Variants in ERG observed in about 807,000 individuals in gnomAD.
The protein encoded by ERG is ETS transcription factor ERG.
In ERG, 9 loss-of-function variants were observed where a neutral mutation model predicts 55.3. That is an observed-to-expected ratio of 0.16 (90% CI 0.10 to 0.28). The LOEUF (loss-of-function observed/expected upper bound fraction) is 0.28. Ranked by LOEUF, ERG falls within the 10% of genes least tolerant of loss-of-function variation. ERG has a pLI of 1.00. For synonymous variants in ERG, 223 were observed against 237.3 expected (o/e 0.94, Z 0.55); for missense variants, 434 against 631.6 (o/e 0.69, Z 3.35).
chr21:38,460,919 T>A lies in ERG; in HGVS notation c.19-15298A>T, dbSNP rs1168838688. On this transcript the variant is annotated intron_variant, in intron 1 of 9. Transcript: ENST00000288319. The surrounding 1 kb of genome is among the most constrained non-coding windows in gnomAD (Gnocchi z 5.0). ...AACTGTTCACTGCTGTGCTTGCCTATGGAGAACCTGGATTCCCAGAGCTCT... is the reference window on the plus strand; with the variant it reads ...AACTGTTCACTGCTGTGCTTGCCTAAGGAGAACCTGGATTCCCAGAGCTCT... Among the ~76,000 whole-genome samples the A allele has an allele frequency of 1.3e-5, 2 of 152,252 alleles. No homozygotes were observed. The highest frequency in any genetic ancestry group is 4.8e-5 in the African/African-American group (2 of 41,468).
intron 1 of ERG, among the ~76,000 whole-genome samples, chr21:38,644,392 C>T (rs1373577738): frequency 6.6e-6 from 1 of 152,192 alleles, no homozygotes; most frequent in African/African-American, 2.4e-5. Context: ...CAGTGATGGA[C>T]ACTTTTCCTG....
At chr21:38,557,811 G>T (rs1363896013) in intron 2 of ERG, among the ~76,000 whole-genome samples, 1 of 152,102 alleles carries the variant, frequency 6.6e-6, no homozygotes, top group Non-Finnish European at 1.5e-5. Context: ...GTTCTATGAA[G>T]ATGGGCACCC....
intron 1 of ERG, among the ~76,000 whole-genome samples, chr21:38,611,019 C>G (rs1302649036): frequency 1.3e-5 from 2 of 152,224 alleles, no homozygotes; most frequent in African/African-American, 4.8e-5. Context: ...CACAAACCAG[C>G]AGGACTGGCA....
chr21:38,562,562 A>C (rs2059899145), intron 2 of ERG, among the ~76,000 whole-genome samples: 1 of 152,222 alleles, frequency 6.6e-6, no homozygotes, highest in South Asian at 2.1e-4. Context: ...TTAAAGTTTG[A>C]GAAGCCGTCC....
intron 1 of ERG, among the ~76,000 whole-genome samples, chr21:38,626,478 C>T (rs1458495882): frequency 2.6e-5 from 4 of 152,078 alleles, no homozygotes; most frequent in Admixed American, 6.5e-5. Context: ...AATAAGGTGC[C>T]GACCACTTCA....
chr21:38,492,415 C>T (rs991934817), intron 1 of ERG, among the ~76,000 whole-genome samples: 13 of 152,174 alleles, frequency 8.5e-5, no homozygotes, highest in African/African-American at 2.9e-4. Flanking sequence ...AGAAATGTCT[C>T]TAAAAACATA....
chr21:38,525,818 T>C (rs909305012), intron 2 of ERG, among the ~76,000 whole-genome samples: 2 of 152,146 alleles, frequency 1.3e-5, no homozygotes, highest in African/African-American at 4.8e-5. Flanking sequence ...CAACCACACC[T>C]TCGGTGGAGA....
intron 2 of ERG, among the ~76,000 whole-genome samples, chr21:38,525,987 T>C (rs1025568346): frequency 2.0e-5 from 3 of 152,200 alleles, no homozygotes; most frequent in African/African-American, 7.2e-5. Flanking sequence ...TTTCTGACTA[T>C]TGTTGGGGAA....
intron 1 of ERG, among the ~76,000 whole-genome samples, chr21:38,595,315 T>C (rs2060124583): frequency 6.6e-6 from 1 of 151,918 alleles, no homozygotes; most frequent in South Asian, 2.1e-4. Flanking sequence ...CCCAAGGTAA[T>C]GAAGGTGGGG....
intron 1 of ERG, among the ~76,000 whole-genome samples, chr21:38,603,121 A>C (rs1007702326): frequency 2.0e-5 from 3 of 151,940 alleles, no homozygotes; most frequent in Non-Finnish European, 2.9e-5. Context: ...CCAAATTGCT[A>C]AACTTGTAGC....
rs574202240 is a variant in ERG, at chr21:38,516,194, C to T, written c.-41+59468G>A. ...AACTGGAAAAGAAGTCAAATTGTCCCTCTTTGGAGATGACATGATCTTACA... is the reference window on the plus strand; with the variant it reads ...AACTGGAAAAGAAGTCAAATTGTCCTTCTTTGGAGATGACATGATCTTACA... On this transcript the variant is annotated intron_variant, in intron 2 of 8. Transcript: ENST00000398897. Among the ~76,000 whole-genome samples the T allele has an allele frequency of 4.6e-5, 7 of 151,960 alleles. No homozygotes were observed. The South Asian group carries it at 1.5e-3, about 32-fold the overall frequency.
chr21:38,439,379 G>A (rs1369904590), intron 2 of ERG, among the ~76,000 whole-genome samples: 1 of 152,192 alleles, frequency 6.6e-6, no homozygotes, highest in Non-Finnish European at 1.5e-5. Context: ...GGACCTCACA[G>A]CAAATTCAGG....
chr21:38,532,888 A>G (rs1051916435), intron 2 of ERG, among the ~76,000 whole-genome samples: 1 of 152,210 alleles, frequency 6.6e-6, no homozygotes, highest in Non-Finnish European at 1.5e-5. Context: ...TGACCCAACA[A>G]GCTTCCCAGT....
chr21:38,392,361 G>A lies in ERG; in HGVS notation c.814+15C>T, dbSNP rs931964073. 2 of 1,558,200 alleles carry A rather than the reference G, an allele frequency of 1.3e-6. No individual in the cohort carries two copies. Among genetic ancestry groups the A allele is most frequent in the African/African-American group, 1.4e-5 (1 of 73,536 alleles). ...TGTGACATGAAACTCAGGGTCATGG[G>A]AGCCAACACTGTACCTTTCGACTGG... On this transcript the variant is annotated intron_variant, in intron 7 of 9. Transcript: ENST00000288319.
chr21:38,403,120 C>T (rs1988585298), intron 4 of ERG, among the ~76,000 whole-genome samples: 1 of 152,174 alleles, frequency 6.6e-6, no homozygotes, highest in Non-Finnish European at 1.5e-5. Context: ...GGAGAATAAT[C>T]CCCCTAATTC....
At chr21:38,559,369 T>C (rs1358389878) in intron 2 of ERG, among the ~76,000 whole-genome samples, 2 of 146,128 alleles carry the variant, frequency 1.4e-5, no homozygotes, top group Non-Finnish European at 1.5e-5. Context: ...TCCTTCTCCA[T>C]GGATCCCATT....
intron 2 of ERG, among the ~76,000 whole-genome samples, chr21:38,510,864 T>C (rs2059506541): frequency 6.6e-6 from 1 of 152,230 alleles, no homozygotes; most frequent in Admixed American, 6.5e-5. Context: ...GCTCACTCCA[T>C]TATATCAAGC....
chr21:38,390,621 C>T (rs1400622700), intron 9 of ERG, among the ~76,000 whole-genome samples: 4 of 152,072 alleles, frequency 2.6e-5, no homozygotes, highest in African/African-American at 7.2e-5. Context: ...AGGGAGAGCC[C>T]CCAGGACAGA....
In ERG at chr21:38,569,803, T is replaced by C. The variant is rs149754429; in HGVS notation, c.-41+5859A>G. ...ATTACGTTTCTCTGAATAATATGCT[T>C]TTTAATGTTGCCTCTTTTTAATCTT... On this transcript the variant is annotated intron_variant, in intron 2 of 8. Transcript: ENST00000398897. 6.6e-5 allele frequency among the ~76,000 whole-genome samples: 10 copies of C among 152,330 alleles called. No individual in the cohort carries two copies. The East Asian group carries it at 1.9e-3, about 29-fold the overall frequency.
Sources: gnomAD v4.1 joint callset for allele counts (sites outside exome capture counted in the v4.1 genomes callset) on GRCh38, gnomAD v4.1.1 for gene constraint, Gnocchi (gnomAD v3.1) non-coding constraint, MANE v1.5 for transcripts, NCBI Gene and HGNC (gene_info 2026-07-23, HGNC 2026-07-21) for gene names.